OPCML: variants seen among roughly 807,000 people sequenced by gnomAD.
OPCML encodes the protein opioid binding protein/cell adhesion molecule like.
A neutral mutation model predicts 37.8 loss-of-function variants in OPCML; 13 were observed. The ratio of observed to expected loss-of-function variants is 0.34; its 90% CI spans 0.22 to 0.55. The LOEUF is 0.55. OPCML is among the 20% of genes least tolerant of loss of function. The pLI is 0.91. For missense variants in OPCML, 341 were observed against 435.6 expected (o/e 0.78, Z 1.93); for synonymous variants, 176 against 168.8 (o/e 1.04, Z -0.33).
chr11:133,013,722 C>G (rs1947264583), intron 1 of OPCML, among the ~76,000 whole-genome samples: 1 of 152,152 alleles, frequency 6.6e-6, no homozygotes, highest in Admixed American at 6.5e-5. Flanking sequence ...AAGGAGAGCC[C>G]TGTATCCCAC....
chr11:133,143,110 A>G (rs1316182829), intron 1 of OPCML, among the ~76,000 whole-genome samples: 5 of 152,132 alleles, frequency 3.3e-5, no homozygotes, highest in Non-Finnish European at 5.9e-5. Flanking sequence ...TCCAGAGTGT[A>G]GCTGGATGTT....
At chr11:133,151,527 A>G (rs969215903) in intron 1 of OPCML, among the ~76,000 whole-genome samples, 2 of 152,140 alleles carry the variant, frequency 1.3e-5, no homozygotes, top group Non-Finnish European at 2.9e-5. Context: ...TCCAGAATTT[A>G]TAAAAGAGCT....
chr11:132,922,794 T>C (rs1305659304), intron 2 of OPCML, among the ~76,000 whole-genome samples: 1 of 152,178 alleles, frequency 6.6e-6, no homozygotes, highest in Non-Finnish European at 1.5e-5. Flanking sequence ...CGGGAGAGGC[T>C]GCACACAGTG....
chr11:133,138,754 C>A (rs1056435453), intron 1 of OPCML, among the ~76,000 whole-genome samples: 1 of 152,122 alleles, frequency 6.6e-6, no homozygotes, highest in African/African-American at 2.4e-5. Context: ...CGTCTTAGAG[C>A]GAACCCTCTC....
At chr11:132,921,663 C>G (rs1229678806) in intron 2 of OPCML, among the ~76,000 whole-genome samples, 1 of 152,162 alleles carries the variant, frequency 6.6e-6, no homozygotes, top group Non-Finnish European at 1.5e-5. Context: ...GAACCCTGCT[C>G]AGAGAGAAAT....
intron 2 of OPCML, among the ~76,000 whole-genome samples, chr11:132,800,184 TGAA>T (rs1938562905): frequency 6.6e-6 from 1 of 152,200 alleles, no homozygotes; most frequent in Admixed American, 6.5e-5. Flanking sequence ...TAATTGTACA[TGAA>T]ACTGCCTTTT....
chr11:133,324,157 C>T (rs902690453), intron 1 of OPCML, among the ~76,000 whole-genome samples: 19 of 152,266 alleles, frequency 1.2e-4, no homozygotes, highest in Admixed American at 1.3e-4. Flanking sequence ...TTATTTTGCT[C>T]ATTAAAATTC....
At chr11:132,725,778 CAAAAAAA>C (rs34622834) in intron 2 of OPCML, among the ~76,000 whole-genome samples, 1 of 73,908 alleles carries the variant, frequency 1.4e-5, no homozygotes. Context: ...GACTCCATCT[CAAAAAAA>C]AAAAAAAAAA....
chr11:133,446,318 A>G (rs1332357181), intron 1 of OPCML, among the ~76,000 whole-genome samples: 4 of 152,168 alleles, frequency 2.6e-5, no homozygotes, highest in Admixed American at 6.5e-5. Flanking sequence ...CAAAAGTTAG[A>G]TATTTGCAGG....
At chr11:133,352,858 A>G (rs1944172981) in intron 1 of OPCML, among the ~76,000 whole-genome samples, 3 of 152,198 alleles carry the variant, frequency 2.0e-5, no homozygotes, top group Non-Finnish European at 4.4e-5. Context: ...AATAGGTTCA[A>G]ATCAAACTTC....
At chr11:132,501,181 A>G (rs888911289) in intron 4 of OPCML, among the ~76,000 whole-genome samples, 28 of 152,232 alleles carry the variant, frequency 1.8e-4, no homozygotes, top group African/African-American at 6.8e-4. Flanking sequence ...ACCCATATGC[A>G]GAAAACAGAA....
chr11:132,966,893 T>A (rs1946227210), intron 1 of OPCML, among the ~76,000 whole-genome samples: 1 of 152,038 alleles, frequency 6.6e-6, no homozygotes, highest in Non-Finnish European at 1.5e-5. Context: ...ATGGAATATA[T>A]ATTTTTATTT....
At chr11:132,508,266 T>C (rs927060295) in intron 4 of OPCML, among the ~76,000 whole-genome samples, 8 of 152,228 alleles carry the variant, frequency 5.3e-5, no homozygotes, top group Non-Finnish European at 8.8e-5. Context: ...GTCAGTAACA[T>C]TACAGACCAA....
chr11:133,444,617 A>T (rs926705390), intron 1 of OPCML, among the ~76,000 whole-genome samples: 1 of 152,228 alleles, frequency 6.6e-6, no homozygotes, highest in Non-Finnish European at 1.5e-5. Context: ...GTCATATAAA[A>T]GTTGATATTT....
At chr11:133,355,688 A>G (rs913462397) in intron 1 of OPCML, among the ~76,000 whole-genome samples, 10 of 152,190 alleles carry the variant, frequency 6.6e-5, no homozygotes, top group African/African-American at 2.4e-4. Context: ...CTTCAGCTCT[A>G]GGAGTCCAAG....
At chr11:133,386,501 C>T (rs969918780) in intron 1 of OPCML, among the ~76,000 whole-genome samples, 3 of 152,306 alleles carry the variant, frequency 2.0e-5, no homozygotes, top group East Asian at 1.9e-4. Context: ...GTCTCACAAG[C>T]GCTCCCCTCC....
At chr11:133,375,692 GC>G (rs1944787211) in intron 1 of OPCML, among the ~76,000 whole-genome samples, 1 of 151,978 alleles carries the variant, frequency 6.6e-6, no homozygotes, top group African/African-American at 2.4e-5. Context: ...TGCTGCTATG[GC>G]CTTAGCTTCA....
intron 1 of OPCML, chr11:133,025,183 G>C (rs575232568): frequency 2.6e-5 from 14 of 547,810 alleles, no homozygotes; most frequent in Non-Finnish European, 3.3e-5. Context: ...GCATAAATAC[G>C]CAAATATGGG....
intron 4 of OPCML, among the ~76,000 whole-genome samples, chr11:132,514,064 TAA>T (rs1233262112): frequency 6.6e-6 from 1 of 152,204 alleles, no homozygotes; most frequent in Non-Finnish European, 1.5e-5. Context: ...TCCTTCTGTG[TAA>T]AGTGTGTATG....
Sources: gnomAD v4.1 joint callset for allele counts (sites outside exome capture counted in the v4.1 genomes callset) on GRCh38, gnomAD v4.1.1 for gene constraint, MANE v1.5 for transcripts, NCBI Gene and HGNC (gene_info 2026-07-23, HGNC 2026-07-21) for gene names.